The following PATJ variants were observed in gnomAD, a reference collection of about 807,000 sequenced individuals.
PATJ encodes inaD-like protein.
PATJ carries 190 observed loss-of-function variants against 224.9 expected under a neutral mutation model. The observed-to-expected ratio is 0.84, with a 90% confidence interval of 0.75 to 0.95. The LOEUF is 0.95. Among genes scored for constraint, PATJ ranks in the 40% least tolerant of loss-of-function variants. The probability of loss-of-function intolerance (pLI) is 0.00; values close to 1 mark genes in which losing one functional copy is unlikely to be tolerated. For missense variants in PATJ, 2,121 were observed against 2,270.3 expected, an observed-to-expected ratio of 0.93 and a Z score of 1.34; for synonymous variants, 769 against 820.3, an observed-to-expected ratio of 0.94 and a Z score of 1.07.
chr1:62,160,746 ACTT>A (rs950301096), intron 43 of PATJ, among the ~76,000 whole-genome samples, 159 bp from the exon 44 acceptor site: 2 of 152,210 alleles, frequency 1.3e-5, no homozygotes, highest in African/African-American at 4.8e-5. Context: ...AGCATATCTT[ACTT>A]TTTTCCTAAT....
intron 34 of PATJ, among the ~76,000 whole-genome samples, chr1:62,109,927 TTC>T (rs1663593745): frequency 6.6e-6 from 1 of 152,186 alleles, no homozygotes; most frequent in Non-Finnish European, 1.5e-5. Context: ...TTTAAACTAT[TTC>T]TGTTTGTATT....
chr1:62,152,116 T>C (rs926687994), intron 42 of PATJ, among the ~76,000 whole-genome samples: 3 of 152,160 alleles, frequency 2.0e-5, no homozygotes, highest in African/African-American at 7.2e-5. Flanking sequence ...GCACCACACA[T>C]GGTACTGGGA....
In PATJ at chr1:61,885,865, A is replaced by G. The variant is rs552189352; in HGVS notation, c.3131+1457A>G. ...TGCAGCCATAAAAAATGATGAGTTC[A>G]TGTCCTTTGTAGGGACATGGATGAA... On this transcript the variant is annotated intron_variant, in intron 22 of 43. Coordinates refer to ENST00000642238, the MANE Select transcript of PATJ (RefSeq NM_001350145.3). Among the ~76,000 whole-genome samples, 896 of 152,172 alleles carry G rather than the reference A, an allele frequency of 5.9e-3. 10 individuals are homozygous for G. The highest frequency in any genetic ancestry group is 0.021 in the African/African-American group (873 of 41,492).
intron 29 of PATJ, among the ~76,000 whole-genome samples, chr1:62,027,139 C>G (rs1261443037): frequency 6.6e-6 from 1 of 152,234 alleles, no homozygotes; most frequent in East Asian, 1.9e-4. Flanking sequence ...CTTCCCTCCT[C>G]TCAGCCCCTG....
chr1:62,156,188 C>A (rs911002230), intron 43 of PATJ, among the ~76,000 whole-genome samples: 4 of 150,726 alleles, frequency 2.7e-5, no homozygotes, highest in Non-Finnish European at 5.9e-5. Flanking sequence ...TCAGCCTGGA[C>A]AACAAAATGA....
chr1:61,878,171 G>C (rs1392160636), intron 21 of PATJ, among the ~76,000 whole-genome samples: 1 of 152,184 alleles, frequency 6.6e-6, no homozygotes, highest in African/African-American at 2.4e-5. Flanking sequence ...CCAGTTTCCT[G>C]TTCTGAAAAC....
In PATJ at chr1:61,864,538, C is replaced by CA; in HGVS notation, c.2741dup (p.His914GlnfsTer2). The CA allele has an allele frequency of 1.9e-6, 3 of 1,613,250 alleles. No homozygotes were observed. Among genetic ancestry groups the CA allele is most frequent in the Non-Finnish European group, 2.5e-6 (3 of 1,179,498 alleles). ...ACTTCACTTTGGTACACAGTGGTTG[C>CA]ATGATAATGAACCATCCGAGTCTCA... is the stretch of plus-strand genomic sequence containing the variant. On this transcript the variant is annotated frameshift_variant, in exon 20 of 44. Coordinates refer to ENST00000642238, the MANE Select transcript of PATJ (RefSeq NM_001350145.3). LOFTEE classifies it high-confidence loss of function.
At chr1:61,880,777 G>C (rs2149055685) in intron 21 of PATJ, among the ~76,000 whole-genome samples, 1 of 152,300 alleles carries the variant, frequency 6.6e-6, no homozygotes, top group East Asian at 1.9e-4. Context: ...CAAGAACACA[G>C]TGTTCAAAGA....
At chr1:62,024,471 A>C (rs572987909) in intron 29 of PATJ, among the ~76,000 whole-genome samples, 2 of 152,140 alleles carry the variant, frequency 1.3e-5, no homozygotes, top group Non-Finnish European at 2.9e-5. Context: ...TAATACCTGC[A>C]TATATTAGCT....
chr1:61,752,591 G>T (rs1645399840), intron 1 of PATJ, among the ~76,000 whole-genome samples: 1 of 152,144 alleles, frequency 6.6e-6, no homozygotes, highest in Non-Finnish European at 1.5e-5. Flanking sequence ...CTCCCGAAGT[G>T]CTGGGATTAC....
chr1:61,968,018 G>GA (rs886460185), intron 27 of PATJ, among the ~76,000 whole-genome samples: 24 of 150,982 alleles, frequency 1.6e-4, no homozygotes, highest in African/African-American at 5.1e-4. Flanking sequence ...AGCCCTGCCT[G>GA]AAAAAAAAAT....
At position 62,128,914 on chromosome 1, in the gene PATJ, T is replaced by G. The variant is rs540853888; in HGVS notation, c.5240T>G (p.Leu1747Arg). Reference sequence around the variant, plus strand: ...TCTCACGCGGATGTGGTTAATCTGCTGAAGAACGCCTACGGGCGCATTATC... The same window carrying G: ...TCTCACGCGGATGTGGTTAATCTGCGGAAGAACGCCTACGGGCGCATTATC... The part of the protein sequence containing the change: ...GLSHADVVNL[L>R]KNAYGRIILQ... Residue 1747 changes from leucine (L) to arginine (R), a missense_variant, in exon 41 of 44, where the codon CTG becomes CGG. Physicochemically the swap from Leu to Arg is moderately radical, Grantham distance 102. Coordinates refer to ENST00000642238, the MANE Select transcript of PATJ (RefSeq NM_001350145.3). 1 of 1,613,072 alleles carries G rather than the reference T, an allele frequency of 6.2e-7. No homozygotes were observed. Among genetic ancestry groups the G allele is most frequent in the Non-Finnish European group, 8.5e-7 (1 of 1,179,094 alleles).
intron 43 of PATJ, 78 bp from the exon 44 acceptor site, chr1:62,160,830 G>A (rs530637743): frequency 6.8e-7 from 1 of 1,475,642 alleles, no homozygotes; most frequent in East Asian, 2.3e-5. Context: ...ACACCAGACA[G>A]ATGTTAGAGG....
intron 21 of PATJ, among the ~76,000 whole-genome samples, chr1:61,880,953 G>A (rs969783199): frequency 3.9e-5 from 6 of 152,162 alleles, no homozygotes; most frequent in African/African-American, 1.4e-4. Context: ...AATTAGCCGG[G>A]CATGGTGGCA....
At chr1:62,069,940 C>T (rs530105096) in intron 31 of PATJ, among the ~76,000 whole-genome samples, 69 of 152,266 alleles carry the variant, frequency 4.5e-4, no homozygotes, top group African/African-American at 1.6e-3. Context: ...AGTAGCAGAA[C>T]AAGTCTGAAC....
At chr1:61,808,182 A>G (rs997748842) in intron 13 of PATJ, among the ~76,000 whole-genome samples, 1 of 152,190 alleles carries the variant, frequency 6.6e-6, no homozygotes, top group Non-Finnish European at 1.5e-5. Context: ...GGATTATATT[A>G]AAATTTTAGG....
At chr1:61,959,425 A>ATTTTTTTCTTTTTTTTTTTTTT (rs1557944867) in intron 27 of PATJ, among the ~76,000 whole-genome samples, 2 of 61,152 alleles carry the variant, frequency 3.3e-5, no homozygotes, top group Non-Finnish European at 6.2e-5. Flanking sequence ...TATATAATAT[A>ATTTTTTTCTTTTTTTTTTTTTT]TTTTTTTTCT....
At chr1:62,055,630 T>C (rs542543736) in intron 31 of PATJ, among the ~76,000 whole-genome samples, 2 of 152,352 alleles carry the variant, frequency 1.3e-5, no homozygotes, top group South Asian at 4.1e-4. Flanking sequence ...ATGAGGATGA[T>C]GCTGTCATTC....
chr1:61,843,618 C>T (rs1661453851), intron 17 of PATJ, among the ~76,000 whole-genome samples: 1 of 151,804 alleles, frequency 6.6e-6, no homozygotes, highest in South Asian at 2.1e-4. Flanking sequence ...CACCTGTAGT[C>T]CCAGCTACTC....
Sources: gnomAD v4.1 joint callset for allele counts (sites outside exome capture counted in the v4.1 genomes callset) on GRCh38, gnomAD v4.1.1 for gene constraint, MANE v1.5 for transcripts, NCBI Gene and HGNC (gene_info 2026-07-23, HGNC 2026-07-21) for gene names.